The following KCNIP4 variants were observed in gnomAD, a reference collection of about 807,000 sequenced individuals.
KCNIP4 encodes potassium voltage-gated channel interacting protein 4.
Under a neutral mutation model 34.0 loss-of-function variants are expected in KCNIP4, and 12 were observed. The ratio of observed to expected loss-of-function variants is 0.35; its 90% CI spans 0.23 to 0.57. The LOEUF (loss-of-function observed/expected upper bound fraction) is 0.57, where lower values mean the gene tolerates loss of function less well. Ranked by LOEUF, KCNIP4 falls within the 20% of genes least tolerant of loss-of-function variation. KCNIP4 has a pLI of 0.83. For missense variants in KCNIP4, 238 were observed against 311.7 expected, an observed-to-expected ratio of 0.76 and a Z score of 1.78; for synonymous variants, 124 against 102.2, an observed-to-expected ratio of 1.21 and a Z score of -1.29.
intron 3 of KCNIP4, among the ~76,000 whole-genome samples, chr4:20,783,382 A>C (rs545592438): frequency 6.6e-6 from 1 of 152,282 alleles, no homozygotes; most frequent in Non-Finnish European, 1.5e-5. Flanking sequence ...CATACCTGAG[A>C]CTGGGAAGAA....
At chr4:20,880,902 G>A (rs80136406) in intron 2 of KCNIP4, among the ~76,000 whole-genome samples, 1,691 of 152,262 alleles carry the variant, frequency 0.011, 16 homozygotes, top group Non-Finnish European at 0.018. Flanking sequence ...GTGCATGTGT[G>A]TGCAATGAAA....
intron 1 of KCNIP4, among the ~76,000 whole-genome samples, chr4:21,258,454 C>A (rs1251391804): frequency 6.6e-6 from 1 of 152,126 alleles, no homozygotes; most frequent in Non-Finnish European, 1.5e-5. Flanking sequence ...ATTGGACACC[C>A]ACTTCCAAGC....
At chr4:20,760,735 C>A (rs927529913) in intron 3 of KCNIP4, among the ~76,000 whole-genome samples, 13 of 152,052 alleles carry the variant, frequency 8.5e-5, no homozygotes, top group African/African-American at 2.9e-4. Flanking sequence ...GGGCTTGGAA[C>A]TCTCCAGGTC....
At chr4:21,610,915 C>G (rs1426367793) in intron 1 of KCNIP4, among the ~76,000 whole-genome samples, 2 of 151,948 alleles carry the variant, frequency 1.3e-5, no homozygotes, top group African/African-American at 4.8e-5. Context: ...ATTTGCTGCA[C>G]CCATCAACTC....
intron 1 of KCNIP4, among the ~76,000 whole-genome samples, chr4:21,921,922 A>G (rs1237695132): frequency 6.6e-6 from 1 of 152,138 alleles, no homozygotes; most frequent in Non-Finnish European, 1.5e-5. Flanking sequence ...ATAGTGTCCT[A>G]ACACAGTTAG....
At chr4:21,837,548 G>GAAAAAAAAAAAA (rs1723422969) in intron 1 of KCNIP4, among the ~76,000 whole-genome samples, 1 of 57,536 alleles carries the variant, frequency 1.7e-5, no homozygotes, top group African/African-American at 6.3e-5. Flanking sequence ...AAAAAAAAAA[G>GAAAAAAAAAAAA]AAAAAGAAAA....
chr4:21,062,318 T>C (rs1286432927), intron 1 of KCNIP4, among the ~76,000 whole-genome samples: 1 of 152,062 alleles, frequency 6.6e-6, no homozygotes, highest in Non-Finnish European at 1.5e-5. Flanking sequence ...CCATCAGTGA[T>C]AGGTTAAATG....
chr4:21,565,400 C>G (rs6824695), intron 1 of KCNIP4, among the ~76,000 whole-genome samples: 8,851 of 152,196 alleles, frequency 0.058, 568 homozygotes, highest in East Asian at 0.19. Flanking sequence ...AGGAGCCCCA[C>G]CTGTAAAAAT....
At chr4:21,839,599 C>T (rs781013855) in intron 1 of KCNIP4, among the ~76,000 whole-genome samples, 3 of 151,952 alleles carry the variant, frequency 2.0e-5, no homozygotes, top group Non-Finnish European at 2.9e-5. Flanking sequence ...ACTAAAAATA[C>T]AAAATTAGCC....
chr4:20,852,462 C>A lies in KCNIP4; in HGVS notation c.164-1795G>T, dbSNP rs1051804636. 1.6e-4 allele frequency among the ~76,000 whole-genome samples: 25 copies of A among 152,174 alleles called. No homozygotes were observed. In the Middle Eastern group the frequency reaches 0.014, roughly 83 times the overall value. On this transcript the variant is annotated intron_variant, in intron 2 of 8. Transcript: ENST00000382152. ...TAAAACTCTCAGCAAAATTGGCATA[C>A]AAGGCACATACCTTAATGTAATAAA... is the stretch of plus-strand genomic sequence containing the variant.
intron 1 of KCNIP4, among the ~76,000 whole-genome samples, chr4:21,297,977 A>G (rs960892412): frequency 3.3e-5 from 5 of 152,124 alleles, no homozygotes; most frequent in Non-Finnish European, 7.4e-5. Flanking sequence ...TGGCGCTACA[A>G]TAAAGATATT....
At chr4:21,708,791 C>T (rs931440052) in intron 1 of KCNIP4, among the ~76,000 whole-genome samples, 31 of 152,190 alleles carry the variant, frequency 2.0e-4, no homozygotes, top group East Asian at 7.7e-4. Context: ...GCAAGCAATC[C>T]TGTGGTGTCC....
At chr4:21,177,575 G>T (rs1214750971) in intron 1 of KCNIP4, among the ~76,000 whole-genome samples, 2 of 151,950 alleles carry the variant, frequency 1.3e-5, no homozygotes, top group East Asian at 1.9e-4. Context: ...ACCTGTAGGG[G>T]TCGCAGCATT....
At chr4:21,320,495 G>A (rs1714258816) in intron 1 of KCNIP4, among the ~76,000 whole-genome samples, 1 of 152,096 alleles carries the variant, frequency 6.6e-6, no homozygotes, top group Admixed American at 6.6e-5. Flanking sequence ...AACAATGATG[G>A]TGAGATCTTA....
chr4:21,508,706 T>A (rs149332581), intron 1 of KCNIP4, among the ~76,000 whole-genome samples: 1 of 146,032 alleles, frequency 6.8e-6, no homozygotes, highest in East Asian at 1.9e-4. Flanking sequence ...ACCATTCTTC[T>A]CTACTTCTTC....
intron 1 of KCNIP4, among the ~76,000 whole-genome samples, chr4:21,517,088 T>C (rs6833065): frequency 0.3 from 45,343 of 151,880 alleles, 6,845 homozygotes; most frequent in East Asian, 0.33. Context: ...TAGCTTTTTG[T>C]GAAGAACAAT....
intron 1 of KCNIP4, among the ~76,000 whole-genome samples, chr4:21,405,778 T>A (rs974984196): frequency 6.6e-6 from 1 of 152,220 alleles, no homozygotes; most frequent in Admixed American, 6.5e-5. Flanking sequence ...TTGCTCTATC[T>A]CATCATCAGG....
intron 1 of KCNIP4, among the ~76,000 whole-genome samples, chr4:21,639,338 T>C (rs1746442739): frequency 6.6e-6 from 1 of 152,076 alleles, no homozygotes; most frequent in Admixed American, 6.6e-5. Flanking sequence ...AAAATGGCAA[T>C]GATAAAATTA....
At chr4:21,500,999 A>T (rs1309163399) in intron 1 of KCNIP4, among the ~76,000 whole-genome samples, 2 of 152,072 alleles carry the variant, frequency 1.3e-5, no homozygotes, top group African/African-American at 2.4e-5. Flanking sequence ...TGCTTTTAAG[A>T]CACTTTTTTG....
Sources: gnomAD v4.1 joint callset for allele counts (sites outside exome capture counted in the v4.1 genomes callset) on GRCh38, gnomAD v4.1.1 for gene constraint, MANE v1.5 for transcripts, NCBI Gene and HGNC (gene_info 2026-07-23, HGNC 2026-07-21) for gene names.